CCDC12: variants seen among roughly 807,000 people sequenced by gnomAD.
CCDC12 encodes the protein coiled-coil domain containing 12, also known as coiled-coil domain-containing protein 12.
In CCDC12, 28 loss-of-function variants were observed where a neutral mutation model predicts 25.7. The observed-to-expected ratio is 1.09, with a 90% CI of 0.81 to 1.50. The LOEUF is 1.50. Ranked by LOEUF, CCDC12 falls within the 40% of genes most tolerant of loss-of-function variation. CCDC12 has a pLI of 0.00. For missense variants in CCDC12, 198 were observed against 210.0 expected (o/e 0.94, Z 0.35); for synonymous variants, 75 against 87.7 (o/e 0.86, Z 0.81).
chr3:46,979,895 C>G, upstream of CCDC12: 1 of 464,068 alleles, frequency 2.2e-6, no homozygotes. Context: ...CGAGTTGTGG[C>G]TGCTCTACTA....
rs1253802719 is a variant in CCDC12 at position 46,922,035 on chromosome 3, G to A, written c.*22C>T. The A allele has an allele frequency of 3.7e-6, 6 of 1,612,414 alleles. No homozygotes were observed. In the East Asian group the frequency reaches 6.7e-5, roughly 18 times the overall value. On this transcript the variant is annotated 3_prime_UTR_variant, in exon 7 of 7. Coordinates refer to ENST00000683445, the MANE Select transcript of CCDC12 (RefSeq NM_001277074.2). ...CCTCTGCAGGACAGGCCTGATGGGC[G>A]AGTGGTGGGGCAGGGCATGCCTCAG...
intron 2 of CCDC12, among the ~76,000 whole-genome samples, chr3:46,936,642 A>G (rs1447016823): frequency 6.6e-6 from 1 of 152,134 alleles, no homozygotes; most frequent in Admixed American, 6.5e-5. Flanking sequence ...CCATCTGTCT[A>G]TGTCCTTTCA....
chr3:46,948,028 C>T (rs4515087), intron 1 of CCDC12, among the ~76,000 whole-genome samples: 10,666 of 152,318 alleles, frequency 0.07, 1,251 homozygotes, highest in African/African-American at 0.24. Flanking sequence ...CAGCGGGGCA[C>T]AGGCCCAGAA....
chr3:46,923,423 C>T (rs773675972), intron 4 of CCDC12, 60 bp from the exon 5 acceptor site: 2 of 1,556,014 alleles, frequency 1.3e-6, no homozygotes, highest in East Asian at 4.7e-5. Flanking sequence ...AGGGGGAGGG[C>T]AGGCTCGAGA....
At chr3:46,935,434 C>T (rs1261543365) in intron 2 of CCDC12, among the ~76,000 whole-genome samples, 4 of 152,124 alleles carry the variant, frequency 2.6e-5, no homozygotes, top group Non-Finnish European at 5.9e-5. Flanking sequence ...CAGCCACAAA[C>T]GCTGCCCTAG....
rs530541908 is a variant in CCDC12 at position 46,976,740 on chromosome 3, G to A, written c.-8C>T. The A allele has an allele frequency of 1.2e-6, 2 of 1,601,480 alleles. No individual in the cohort carries two copies. The highest frequency in any genetic ancestry group is 1.7e-6 in the Non-Finnish European group (2 of 1,174,262). Reference sequence around the variant, plus strand: ...AGCCGTAGTTGCCTCCATCTTGCCCGCGTACGCCCCTCCTTTTCTCCCGTC... The same window carrying A: ...AGCCGTAGTTGCCTCCATCTTGCCCACGTACGCCCCTCCTTTTCTCCCGTC... On this transcript the variant is annotated 5_prime_UTR_variant, in exon 1 of 7. Coordinates refer to ENST00000683445, the MANE Select transcript of CCDC12 (RefSeq NM_001277074.2).
intron 1 of CCDC12, among the ~76,000 whole-genome samples, chr3:46,964,258 G>A (rs1337150792): frequency 2.5e-4 from 37 of 150,880 alleles, no homozygotes; most frequent in African/African-American, 6.6e-4. Context: ...CCCTCCGCCC[G>A]GCAGCCACCC....
At chr3:46,969,897 ATTTCT>A (rs2034752989) in intron 1 of CCDC12, among the ~76,000 whole-genome samples, 1 of 117,874 alleles carries the variant, frequency 8.5e-6, no homozygotes, top group African/African-American at 3.1e-5. Flanking sequence ...CAGTAGCCAT[ATTTCT>A]TTTTTTTTTT....
chr3:46,977,688 A>T (rs2035037974), upstream of CCDC12, among the ~76,000 whole-genome samples: 1 of 152,044 alleles, frequency 6.6e-6, no homozygotes, highest in Non-Finnish European at 1.5e-5. Flanking sequence ...CTCAAAGATG[A>T]TCCCCTCTCA....
At chr3:46,976,164 G>T (rs138799537) in intron 1 of CCDC12, 2 of 319,764 alleles carry the variant, frequency 6.3e-6, no homozygotes, top group East Asian at 3.4e-4. Context: ...ATTTTTGCAC[G>T]AAACGACTCC....
intron 2 of CCDC12, among the ~76,000 whole-genome samples, chr3:46,936,481 G>A (rs746685803): frequency 7.2e-5 from 11 of 152,216 alleles, no homozygotes; most frequent in African/African-American, 1.2e-4. Flanking sequence ...TGCTCTGTTC[G>A]TCAGGTGAAG....
At chr3:46,949,919 C>T (rs539920872) in intron 1 of CCDC12, among the ~76,000 whole-genome samples, 2 of 151,000 alleles carry the variant, frequency 1.3e-5, no homozygotes, top group East Asian at 2.0e-4. Context: ...CCCAGCTACT[C>T]GGGAGGCTGA....
chr3:46,934,382 G>A (rs1698934357), intron 2 of CCDC12, among the ~76,000 whole-genome samples: 1 of 152,246 alleles, frequency 6.6e-6, no homozygotes, highest in African/African-American at 2.4e-5. Context: ...ACAGGGAGGG[G>A]TCTCAGTGCC....
intron 5 of CCDC12, chr3:46,922,998 TCTGC>T (rs1336679704): frequency 3.9e-6 from 1 of 254,702 alleles, no homozygotes; most frequent in Non-Finnish European, 7.4e-6. Flanking sequence ...GAAAACTGTG[TCTGC>T]CCTTCCCTCC....
chr3:46,944,314 A>G (rs1451392988), intron 1 of CCDC12, among the ~76,000 whole-genome samples: 2 of 152,016 alleles, frequency 1.3e-5, no homozygotes, highest in Admixed American at 1.3e-4. Context: ...AGAGTGGAAG[A>G]GTGGCGCTGA....
chr3:46,980,363 G>A (rs1330217775), upstream of CCDC12, among the ~76,000 whole-genome samples: 1 of 152,142 alleles, frequency 6.6e-6, no homozygotes, highest in Non-Finnish European at 1.5e-5. Flanking sequence ...CGTGGCCAAC[G>A]GGTCTGGGGG....
intron 2 of CCDC12, among the ~76,000 whole-genome samples, chr3:46,929,134 A>G (rs1559549441): frequency 1.3e-5 from 2 of 152,268 alleles, no homozygotes; most frequent in Non-Finnish European, 2.9e-5. Context: ...GGTCCTAAGC[A>G]CTGTAGAGGA....
At chr3:46,944,179 G>T (rs1446917243) in intron 1 of CCDC12, among the ~76,000 whole-genome samples, 1 of 152,210 alleles carries the variant, frequency 6.6e-6, no homozygotes, top group African/African-American at 2.4e-5. Context: ...GGAAATGGCA[G>T]TCAGGGAAAA....
chr3:46,955,464 GA>G (rs2034261349), intron 1 of CCDC12, among the ~76,000 whole-genome samples: 1 of 152,170 alleles, frequency 6.6e-6, no homozygotes, highest in Admixed American at 6.5e-5. Flanking sequence ...TGGGACCCGA[GA>G]ACACCTGGAA....
Sources: gnomAD v4.1 joint callset for allele counts (sites outside exome capture counted in the v4.1 genomes callset) on GRCh38, gnomAD v4.1.1 for gene constraint, MANE v1.5 for transcripts, NCBI Gene and HGNC (gene_info 2026-07-23, HGNC 2026-07-21) for gene names.